USP28: variants seen among roughly 807,000 people sequenced by gnomAD.
USP28 encodes the protein ubiquitin carboxyl-terminal hydrolase 28.
In USP28, 113 loss-of-function variants were observed where a neutral mutation model predicts 145.0. That is an observed-to-expected ratio of 0.78 (90% CI 0.67 to 0.91). The LOEUF (loss-of-function observed/expected upper bound fraction) is 0.91, where lower values mean the gene tolerates loss of function less well. USP28 is among the 40% of genes least tolerant of loss of function. USP28 has a pLI of 0.00. For synonymous variants in USP28, 447 were observed against 450.9 expected (o/e 0.99, Z 0.11); for missense variants, 1,201 against 1,289.6 (o/e 0.93, Z 1.05).
At position 113,813,797 on chromosome 11, in the gene USP28, T is replaced by C; in HGVS notation, c.1743+88A>G. On this transcript the variant is annotated intron_variant, in intron 15 of 24. Coordinates refer to ENST00000003302, the Ensembl canonical transcript of USP28. The stretch of plus-strand genomic sequence containing the variant: ...TTCTTTTATCTTAGGGGGATTCCCA[T>C]TGGGTTTAAAAGAAAACTATCAAAT... 2.1e-5 allele frequency: 21 copies of C among 984,648 alleles called. 1 individual carries two copies. Among genetic ancestry groups the C allele is most frequent in the South Asian group, 1.9e-4 (14 of 72,048 alleles). 61.0% of individuals were successfully genotyped at this position (984,648 alleles called of 1,614,324 possible). A position where few individuals can be genotyped will look rare whatever the true frequency, so the allele number is the denominator to read the frequency against.
chr11:113,841,768 T>TTTG (rs781099620), the USP28 span: 2 of 1,605,128 alleles, frequency 1.2e-6, no homozygotes, highest in African/African-American at 2.7e-5. Context: ...GTCTATAACT[T>TTTG]CTGTAAGATA....
At chr11:113,851,227 CCA>C (rs1398750214) in intron 3 of USP28, among the ~76,000 whole-genome samples, 1 of 152,188 alleles carries the variant, frequency 6.6e-6, no homozygotes, top group Non-Finnish European at 1.5e-5. Flanking sequence ...GTTCTCAACA[CCA>C]CAGTCAGAGT....
intron 7 of USP28, 21 bp from the exon 8 acceptor site, chr11:113,832,014 G>C (rs770343318): frequency 3.1e-6 from 5 of 1,608,566 alleles, no homozygotes; most frequent in Non-Finnish European, 4.3e-6. Context: ...GGCACAAATT[G>C]CATAAAAGTT....
intron 8 of USP28, among the ~76,000 whole-genome samples, chr11:113,831,493 G>A (rs1358975081): frequency 6.6e-6 from 1 of 152,070 alleles, no homozygotes; most frequent in Non-Finnish European, 1.5e-5. Context: ...TATCCGTATC[G>A]TGCCCTAAGT....
chr11:113,817,906 G>C, intron 12 of USP28, 69 bp from the exon 13 acceptor site: 1 of 1,530,944 alleles, frequency 6.5e-7, no homozygotes, highest in Non-Finnish European at 8.9e-7. Flanking sequence ...GCTGACAAAA[G>C]ATCTGTTTAT....
intron 14 of USP28, 26 bp downstream of exon 14, chr11:113,815,148 A>G (rs1344354447): frequency 6.2e-7 from 1 of 1,604,292 alleles, no homozygotes; most frequent in Non-Finnish European, 8.5e-7. Flanking sequence ...AGCAAAGAGT[A>G]ACTGACAAAT....
At chr11:113,860,027 C>G (rs985429494) in intron 1 of USP28, among the ~76,000 whole-genome samples, 1 of 152,116 alleles carries the variant, frequency 6.6e-6, no homozygotes, top group Non-Finnish European at 1.5e-5. Context: ...AACAACTCAC[C>G]CACAATCAGC....
intron 10 of USP28, among the ~76,000 whole-genome samples, chr11:113,827,791 C>T (rs141209059): frequency 4.5e-4 from 69 of 152,284 alleles, no homozygotes; most frequent in African/African-American, 1.6e-3. Flanking sequence ...ACTCCATGTG[C>T]CAGCTAAAAA....
At chr11:113,822,189 C>G (rs369888888) in intron 12 of USP28, among the ~76,000 whole-genome samples, 21 of 152,222 alleles carry the variant, frequency 1.4e-4, no homozygotes, top group African/African-American at 4.8e-4. Context: ...CAGCGGCTCA[C>G]GCCTATAATC....
At chr11:113,871,455 T>C (rs539984220) in intron 1 of USP28, among the ~76,000 whole-genome samples, 55 of 152,298 alleles carry the variant, frequency 3.6e-4, no homozygotes, top group African/African-American at 1.3e-3. Context: ...TAGAGGGGCT[T>C]ACTCCTGTAC....
chr11:113,852,394 C>A (rs1045309218), intron 3 of USP28, 107 bp downstream of exon 3: 21 of 1,423,824 alleles, frequency 1.5e-5, no homozygotes, highest in Non-Finnish European at 1.7e-5. Context: ...GCTGTTATTA[C>A]TATTATTTTC....
chr11:113,813,789 G>C, intron 15 of USP28, 96 bp downstream of exon 15: 1 of 887,736 alleles, frequency 1.1e-6, no homozygotes, highest in Non-Finnish European at 1.8e-6. Flanking sequence ...ATCTTAGGGG[G>C]ATTCCCATTG....
At chr11:113,834,098 CA>C in intron 6 of USP28, 150 bp downstream of exon 6, 2 of 553,158 alleles carry the variant, frequency 3.6e-6, no homozygotes, top group Admixed American at 3.6e-5. Context: ...TATGTTATCC[CA>C]AAAAAGGAAA....
intron 3 of USP28, among the ~76,000 whole-genome samples, chr11:113,847,666 G>C (rs1298295836): frequency 3.3e-5 from 5 of 152,062 alleles, no homozygotes; most frequent in Non-Finnish European, 5.9e-5. Context: ...TAATGTTGCA[G>C]TTTTAAAAAA....
intron 1 of USP28, among the ~76,000 whole-genome samples, chr11:113,866,992 T>C (rs1591503353): frequency 6.6e-6 from 1 of 152,146 alleles, no homozygotes; most frequent in East Asian, 1.9e-4. Flanking sequence ...TGCTACAACT[T>C]GAACAAATCT....
At chr11:113,825,837 G>A (rs1323310143) in intron 11 of USP28, among the ~76,000 whole-genome samples, 3 of 152,192 alleles carry the variant, frequency 2.0e-5, no homozygotes, top group African/African-American at 7.2e-5. Flanking sequence ...CCTGGAGATG[G>A]AGAGAAAGGG....
intron 14 of USP28, 32 bp downstream of exon 14, chr11:113,815,142 A>G (rs984335385): frequency 1.3e-6 from 2 of 1,597,272 alleles, no homozygotes; most frequent in Non-Finnish European, 1.7e-6. Context: ...AGAAAAAGCA[A>G]AGAGTAACTG....
At chr11:113,863,403 T>C (rs995053122) in intron 1 of USP28, among the ~76,000 whole-genome samples, 2 of 152,004 alleles carry the variant, frequency 1.3e-5, no homozygotes, top group Non-Finnish European at 2.9e-5. Flanking sequence ...CCCAGCACTT[T>C]GGGAGGCTGA....
At chr11:113,799,257 T>G in exon 25 of USP28, 2 of 1,613,272 alleles carry the variant, frequency 1.2e-6, no homozygotes, top group African/African-American at 1.3e-5. Context: ...ACTGTCACAG[T>G]TGAAACTCCC....
Sources: allele counts gnomAD v4.1 joint callset (sites outside exome capture counted in the v4.1 genomes callset), GRCh38; gene constraint gnomAD v4.1.1; transcripts MANE v1.5; gene names NCBI Gene and HGNC (gene_info 2026-07-23, HGNC 2026-07-21).